The following NUDT7 variants were observed in gnomAD, a reference collection of about 807,000 sequenced individuals.
NUDT7 encodes nudix hydrolase 7.
A neutral mutation model predicts 13.1 loss-of-function variants in NUDT7; 19 were observed. The ratio of observed to expected loss-of-function variants is 1.45; its 90% CI spans 1.01 to 2.13. The LOEUF is 2.13. Ranked by LOEUF, NUDT7 falls within the 30% of genes most tolerant of loss-of-function variation. The probability of loss-of-function intolerance (pLI) is 0.00; values close to 1 mark genes in which losing one functional copy is unlikely to be tolerated. For synonymous variants in NUDT7, 132 were observed against 109.7 expected (o/e 1.20, Z -1.27); for missense variants, 360 against 291.7 (o/e 1.23, Z -1.71).
intron 3 of NUDT7, among the ~76,000 whole-genome samples, chr16:77,737,993 C>G (rs1483670743): frequency 6.6e-6 from 1 of 151,830 alleles, no homozygotes; most frequent in African/African-American, 2.4e-5. Flanking sequence ...AGGTCAGTAC[C>G]CAAGGGTGGT....
At chr16:77,728,635 A>G (rs72790930) in intron 2 of NUDT7, among the ~76,000 whole-genome samples, 25,030 of 152,206 alleles carry the variant, frequency 0.16, 2,144 homozygotes, top group Middle Eastern at 0.24. Flanking sequence ...AGCCTGAAAG[A>G]GATCTGTAAA....
Position 77,725,515 on chromosome 16 carries a change from C to G in NUDT7, c.120C>G (p.Tyr40Ter). ...GKYSHLPYNK[Y>*]SVLLPLVAKE... is the part of the protein sequence containing the mutation. ...ATTCTCACTTGCCATATAACAAATACTCCGTCCTTTTGCCATTGGTGGCTA... is the reference window on the plus strand; with the variant it reads ...ATTCTCACTTGCCATATAACAAATAGTCCGTCCTTTTGCCATTGGTGGCTA... Residue 40 changes from tyrosine to a stop codon, truncating the protein, a stop_gained, in exon 2 of 4, where the codon TAC becomes TAG. Coordinates refer to ENST00000268533, the MANE Select transcript of NUDT7 (RefSeq NM_001105663.3). LOFTEE classifies it high-confidence loss of function. The G allele has an allele frequency of 6.2e-7, 1 of 1,614,034 alleles. No homozygotes were observed. Among genetic ancestry groups the G allele is most frequent in the Non-Finnish European group, 8.5e-7 (1 of 1,179,916 alleles).
At chr16:77,734,581 C>T (rs965557984) in intron 2 of NUDT7, among the ~76,000 whole-genome samples, 3 of 152,244 alleles carry the variant, frequency 2.0e-5, no homozygotes, top group African/African-American at 7.2e-5. Flanking sequence ...CGAGTTCGCA[C>T]ACTGCACTCC....
At chr16:77,736,211 C>T in intron 3 of NUDT7, 1 of 480,854 alleles carries the variant, frequency 2.1e-6, no homozygotes, top group East Asian at 3.2e-5. Flanking sequence ...AAGGGTTGAA[C>T]TCCCATCAGT....
intron 3 of NUDT7, among the ~76,000 whole-genome samples, chr16:77,740,452 C>T (rs1234319597): frequency 6.6e-6 from 1 of 152,184 alleles, no homozygotes; most frequent in Non-Finnish European, 1.5e-5. Flanking sequence ...CACATCCTCA[C>T]TCAGCCCCAG....
intron 3 of NUDT7, chr16:77,736,660 C>G: frequency 3.6e-6 from 1 of 274,866 alleles, no homozygotes; most frequent in African/African-American, 2.3e-5. Flanking sequence ...AGATGGGGGT[C>G]TCGCTATGTT....
intron 1 of NUDT7, 79 bp downstream of exon 1, chr16:77,722,696 T>C (rs377025959): frequency 7.6e-4 from 1,064 of 1,400,408 alleles, no homozygotes; most frequent in Non-Finnish European, 1.0e-3. Context: ...CGGGGCCTTT[T>C]GGCCGGGACT....
In NUDT7 at chr16:77,735,832, G is replaced by C; in HGVS notation, c.194G>C (p.Arg65Thr). 1 of 1,613,220 alleles carries C rather than the reference G, an allele frequency of 6.2e-7. No individual in the cohort carries two copies. The highest frequency in any genetic ancestry group is 8.5e-7 in the Non-Finnish European group (1 of 1,179,312). ...CGCTGTTCTTTCTATATCCAGCTAA[G>C]AAGGGCCCCTGGAGAAGTTTGCTTC... ...LLFTVRSEKL[R>T]RAPGEVCFPG... Residue 65 changes from arginine (R) to threonine (T), a missense_variant, in exon 3 of 4, where the codon AGA becomes ACA. Transcript: ENST00000268533.
chr16:77,736,444 C>G (rs1391073294), intron 3 of NUDT7, among the ~76,000 whole-genome samples: 4 of 152,112 alleles, frequency 2.6e-5, no homozygotes, highest in Non-Finnish European at 5.9e-5. Context: ...TAGAATAAAG[C>G]CTCTCTGTGA....
chr16:77,723,027 A>C (rs1250935022), intron 1 of NUDT7, among the ~76,000 whole-genome samples: 2 of 152,140 alleles, frequency 1.3e-5, no homozygotes, highest in Non-Finnish European at 2.9e-5. Context: ...CCTGGAGGTG[A>C]CCCTGTGATC....
At chr16:77,735,772 A>G (rs2145122681) in intron 2 of NUDT7, 56 bp from the exon 3 acceptor site, 3 of 1,520,000 alleles carry the variant, frequency 2.0e-6, no homozygotes, top group East Asian at 2.3e-5. Flanking sequence ...TGTTGAATGC[A>G]TAAATAGTTC....
intron 3 of NUDT7, among the ~76,000 whole-genome samples, chr16:77,738,348 C>T (rs557638331): frequency 6.6e-6 from 1 of 152,238 alleles, no homozygotes; most frequent in South Asian, 2.1e-4. Flanking sequence ...GCCAGATACT[C>T]CTGGAACAGG....
chr16:77,735,518 C>G, intron 2 of NUDT7: 2 of 566,412 alleles, frequency 3.5e-6, no homozygotes, highest in East Asian at 5.6e-5. Context: ...GTGAGCCAAC[C>G]AAACCTCTTT....
intron 3 of NUDT7, among the ~76,000 whole-genome samples, chr16:77,738,874 C>T (rs527721449): frequency 1.3e-5 from 2 of 152,308 alleles, no homozygotes; most frequent in African/African-American, 4.8e-5. Context: ...CATCTGTGGT[C>T]GAATCCAGTT....
At chr16:77,735,580 G>C (rs576348442) in intron 2 of NUDT7, 10 of 580,524 alleles carry the variant, frequency 1.7e-5, no homozygotes, top group African/African-American at 3.7e-5. Flanking sequence ...TGCAAGAACA[G>C]ATTAATACAG....
At chr16:77,734,881 C>T (rs78344543) in intron 2 of NUDT7, among the ~76,000 whole-genome samples, 2,580 of 152,000 alleles carry the variant, frequency 0.017, 67 homozygotes, top group African/African-American at 0.058. Flanking sequence ...GGGTTTCCTT[C>T]TGGGATGATG....
intron 1 of NUDT7, 114 bp downstream of exon 1, chr16:77,722,731 C>T (rs564214094): frequency 1.0e-6 from 1 of 964,768 alleles, no homozygotes; most frequent in African/African-American, 1.6e-5. Flanking sequence ...CGCCAGTCCA[C>T]CTGCGAGCGC....
At chr16:77,733,424 A>T (rs2014379455) in intron 2 of NUDT7, among the ~76,000 whole-genome samples, 3 of 152,162 alleles carry the variant, frequency 2.0e-5, no homozygotes, top group Admixed American at 2.0e-4. Flanking sequence ...CATTCATCTC[A>T]TTGATGAGGG....
In NUDT7 at chr16:77,741,779, C is replaced by T. The variant is rs147681538; in HGVS notation, c.546C>T (p.Asp182=). Residue 182 remains aspartate, a synonymous_variant, in exon 4 of 4, where the codon GAC becomes GAT. Transcript: ENST00000268533. ...NHIFEYTNPE[D]GVTYQIKGMT... The stretch of plus-strand genomic sequence containing the variant: ...TCTTTGAGTACACAAACCCTGAAGA[C>T]GGTGTCACTTACCAGATCAAGGGAA... The T allele has an allele frequency of 2.2e-3, 3,472 of 1,614,092 alleles. 6 individuals are homozygous for T. Among genetic ancestry groups the T allele is most frequent in the Middle Eastern group, 4.1e-3 (25 of 6,062 alleles).
Sources: allele counts gnomAD v4.1 joint callset (sites outside exome capture counted in the v4.1 genomes callset), GRCh38; gene constraint gnomAD v4.1.1; transcripts MANE v1.5; gene names NCBI Gene and HGNC (gene_info 2026-07-23, HGNC 2026-07-21).